FAAP20: variants seen among roughly 807,000 people sequenced by gnomAD.
The protein encoded by FAAP20 is Fanconi anemia core complex-associated protein 20.
FAAP20 carries 12 observed loss-of-function variants against 16.2 expected under a neutral mutation model. The observed-to-expected ratio is 0.74, with a 90% confidence interval of 0.48 to 1.20. The LOEUF is 1.20. Among genes scored for constraint, FAAP20 ranks in the 50% most tolerant of loss-of-function variants. The probability of loss-of-function intolerance (pLI) is 0.00; values close to 1 mark genes in which losing one functional copy is unlikely to be tolerated. For missense variants in FAAP20, 288 were observed against 245.8 expected (o/e 1.17, Z -1.15); for synonymous variants, 141 against 110.7 (o/e 1.27, Z -1.72).
chr1:2,193,127 G>T, intron 3 of FAAP20: 1 of 686,980 alleles, frequency 1.5e-6, no homozygotes, highest in South Asian at 1.8e-5. Context: ...GGGCCCAGAG[G>T]TCGCCAGACA....
upstream of FAAP20, chr1:2,198,650 C>CT: frequency 2.5e-6 from 3 of 1,205,866 alleles, no homozygotes; most frequent in Non-Finnish European, 3.2e-6. Flanking sequence ...GACCTGTGGC[C>CT]GACAGGCACC....
At chr1:2,195,008 C>G (rs1688746726), upstream of FAAP20, among the ~76,000 whole-genome samples, 1 of 151,922 alleles carries the variant, frequency 6.6e-6, no homozygotes, top group Non-Finnish European at 1.5e-5. Flanking sequence ...CCCGTCCGGG[C>G]AGCCCCCGGG....
rs373366588 is a variant in FAAP20, at chr1:2,189,683, C to T, written c.*26G>A. On this transcript the variant is annotated 3_prime_UTR_variant, in exon 4 of 4. Transcript: ENST00000378546. ...GGGGAGAGCGTGTCCGGGCGCCGCACTCTGCGCAGGGCTCTTGGATGGCGC... is the reference window on the plus strand; with the variant it reads ...GGGGAGAGCGTGTCCGGGCGCCGCATTCTGCGCAGGGCTCTTGGATGGCGC... 4 of 1,601,340 alleles carry T rather than the reference C, an allele frequency of 2.5e-6. No homozygotes were observed. Among genetic ancestry groups the T allele is most frequent in the East Asian group, 4.5e-5 (2 of 44,804 alleles).
intron 3 of FAAP20, among the ~76,000 whole-genome samples, chr1:2,205,097 GC>G (rs1472488084): frequency 6.4e-5 from 1 of 15,592 alleles, no homozygotes; most frequent in African/African-American, 2.2e-4. Flanking sequence ...CCCACGCCCC[GC>G]CCCTCAAGCC....
chr1:2,191,944 T>C (rs1688279898), intron 3 of FAAP20: 1 of 985,430 alleles, frequency 1.0e-6, no homozygotes, highest in South Asian at 4.7e-5. Context: ...ACATTCTACA[T>C]AGTTTGTCAA....
chr1:2,191,832 C>CA, intron 3 of FAAP20: 1 of 985,492 alleles, frequency 1.0e-6, no homozygotes, highest in South Asian at 4.7e-5. Context: ...CCTCACCCCT[C>CA]ACCAGGTGCC....
chr1:2,195,894 G>A (rs988286450), upstream of FAAP20, among the ~76,000 whole-genome samples: 1 of 152,222 alleles, frequency 6.6e-6, no homozygotes, highest in African/African-American at 2.4e-5. Context: ...ACAAGATGGA[G>A]GCACCAACCC....
At chr1:2,189,345 CAAAA>C (rs76686036), downstream of FAAP20, among the ~76,000 whole-genome samples, 9 of 141,992 alleles carry the variant, frequency 6.3e-5, no homozygotes, top group African/African-American at 1.3e-4. Context: ...AAAAAAAAAA[CAAAA>C]AAAAAACCGT....
chr1:2,205,583 C>T (rs893311982), intron 3 of FAAP20, among the ~76,000 whole-genome samples: 5 of 152,116 alleles, frequency 3.3e-5, no homozygotes, highest in African/African-American at 4.8e-5. Context: ...CGCCTGCGGA[C>T]GGCGAAGGGG....
chr1:2,189,624 CTGG>C lies in FAAP20; in HGVS notation c.*82_*84del. Reference sequence around the variant, plus strand: ...GCGGGGGAGCCGAGAGGCGGGGCTGCTGGCGGGGGAGCCGAGAGGCGGGGCTGC... The same window carrying C: ...GCGGGGGAGCCGAGAGGCGGGGCTGCCGGGGGAGCCGAGAGGCGGGGCTGC... On this transcript the variant is annotated 3_prime_UTR_variant, in exon 4 of 4. Coordinates refer to ENST00000378546, the MANE Select transcript of FAAP20 (RefSeq NM_182533.4). 9.6e-7 allele frequency: 1 copy of C among 1,045,662 alleles called. No homozygotes were observed. Among genetic ancestry groups the C allele is most frequent in the African/African-American group, 2.3e-5 (1 of 42,738 alleles). The allele number at this position is 1,045,662 out of a possible 1,614,324, so 64.8% of individuals were successfully genotyped here.
Position 2,193,889 on chromosome 1 carries a change from G to GCTCCGGGCCGCAC in FAAP20, c.207_219dup (p.Pro74ValfsTer7), listed in dbSNP as rs1688548931. ...GGTCCGACAGTGAAGACTTCAGTGG[G>GCTCCGGGCCGCAC]CTCCGGGCCGCACCTGGGCTCCTGC... is the stretch of plus-strand genomic sequence containing the variant. On this transcript the variant is annotated frameshift_variant, in exon 3 of 4. Transcript: ENST00000378546. LOFTEE classifies it high-confidence loss of function. 1 of 1,612,286 alleles carries GCTCCGGGCCGCAC rather than the reference G, an allele frequency of 6.2e-7. No individual in the cohort carries two copies. Among genetic ancestry groups the GCTCCGGGCCGCAC allele is most frequent in the Non-Finnish European group, 8.5e-7 (1 of 1,179,768 alleles).
At chr1:2,193,934 T>C in intron 2 of FAAP20, 24 bp from the exon 3 acceptor site, 1 of 1,612,324 alleles carries the variant, frequency 6.2e-7, no homozygotes, top group Non-Finnish European at 8.5e-7. Flanking sequence ...TTGTTGGGCC[T>C]TGCCCAGCGA....
Position 2,189,808 on chromosome 1 carries a change from G to C in FAAP20, c.471-27C>G, listed in dbSNP as rs752232527. ...TGCAAGGGAGGGGCCACACTCACTCGGCCACCTCCGCGGCATGCTGGCCGC... is the reference window on the plus strand; with the variant it reads ...TGCAAGGGAGGGGCCACACTCACTCCGCCACCTCCGCGGCATGCTGGCCGC... On this transcript the variant is annotated intron_variant, in intron 3 of 3. Transcript: ENST00000378546. The C allele has an allele frequency of 2.5e-6, 4 of 1,569,056 alleles. No individual in the cohort carries two copies. The African/African-American group carries it at 4.1e-5, about 16-fold the overall frequency.
At chr1:2,185,447 G>T (rs776004117), downstream of FAAP20, 1 of 718,668 alleles carries the variant, frequency 1.4e-6, no homozygotes, top group Non-Finnish European at 2.6e-6. Flanking sequence ...CATCTCAGAC[G>T]CAACCCACAC....
At chr1:2,202,003 C>T (rs556521535), upstream of FAAP20, among the ~76,000 whole-genome samples, 36 of 143,230 alleles carry the variant, frequency 2.5e-4, no homozygotes, top group African/African-American at 8.4e-4. Context: ...GGCGACAGAG[C>T]GAGACTCTGT....
At chr1:2,198,218 T>A (rs1688900843), upstream of FAAP20, 3 of 1,230,860 alleles carry the variant, frequency 2.4e-6, no homozygotes, top group Non-Finnish European at 3.2e-6. Context: ...CCAAAATTCA[T>A]GTTTACAAAA....
At chr1:2,201,109 G>T, upstream of FAAP20, 1 of 1,288,404 alleles carries the variant, frequency 7.8e-7, no homozygotes, top group Non-Finnish European at 1.0e-6. Context: ...CCCCTGTGCA[G>T]CCGGCTGTGA....
At chr1:2,185,020 G>T (rs375333957), downstream of FAAP20, 2 of 1,605,646 alleles carry the variant, frequency 1.2e-6, no homozygotes, top group African/African-American at 2.7e-5. Context: ...GGCCGCGTGC[G>T]TCTCTGTCGT....
downstream of FAAP20, chr1:2,184,603 C>G: frequency 6.2e-7 from 1 of 1,613,902 alleles, no homozygotes; most frequent in African/African-American, 1.3e-5. Flanking sequence ...AGCAGGCGCT[C>G]CCTCCATTCC....
Sources: allele counts gnomAD v4.1 joint callset (sites outside exome capture counted in the v4.1 genomes callset), GRCh38; gene constraint gnomAD v4.1.1; transcripts MANE v1.5; gene names NCBI Gene and HGNC (gene_info 2026-07-23, HGNC 2026-07-21).